AHI1: variants seen among roughly 807,000 people sequenced by gnomAD.
The protein encoded by AHI1 is Abelson helper integration site 1.
In AHI1, 123 loss-of-function variants were observed where a neutral mutation model predicts 149.3. The observed-to-expected ratio is 0.82, with a 90% CI of 0.71 to 0.96. The LOEUF (loss-of-function observed/expected upper bound fraction) is 0.96, where lower values mean the gene tolerates loss of function less well. Ranked by LOEUF, AHI1 falls within the 40% of genes least tolerant of loss-of-function variation. AHI1 has a pLI of 0.00. For missense variants in AHI1, 1,439 were observed against 1,422.7 expected, an observed-to-expected ratio of 1.01 and a Z score of -0.18; for synonymous variants, 475 against 459.8, an observed-to-expected ratio of 1.03 and a Z score of -0.42.
chr6:135,425,077 C>G (rs1783743963), intron 20 of AHI1, among the ~76,000 whole-genome samples: 1 of 151,872 alleles, frequency 6.6e-6, no homozygotes. Context: ...TTAACTTCTT[C>G]CTAAGCTTCC....
At chr6:135,363,194 G>C (rs983352810) in intron 23 of AHI1, among the ~76,000 whole-genome samples, 14 of 150,176 alleles carry the variant, frequency 9.3e-5, no homozygotes, top group African/African-American at 3.4e-4. Flanking sequence ...AGGACCCTGC[G>C]GCCTTCCGCA....
chr6:135,296,398 GTT>G (rs1783097764), intron 27 of AHI1, among the ~76,000 whole-genome samples: 1 of 152,178 alleles, frequency 6.6e-6, no homozygotes, highest in Admixed American at 6.5e-5. Context: ...CACTTCCTGT[GTT>G]TAATGGCTTC....
intron 5 of AHI1, among the ~76,000 whole-genome samples, chr6:135,480,014 C>T (rs1407427218): frequency 1.3e-5 from 2 of 152,154 alleles, no homozygotes; most frequent in Non-Finnish European, 2.9e-5. Flanking sequence ...CTGGAAGCCT[C>T]CCCAGCCATG....
chr6:135,402,216 T>G (rs2128494320), intron 22 of AHI1, among the ~76,000 whole-genome samples: 1 of 152,288 alleles, frequency 6.6e-6, no homozygotes, highest in South Asian at 2.1e-4. Context: ...CGTACACTGC[T>G]GGTGGAATTC....
intron 23 of AHI1, among the ~76,000 whole-genome samples, chr6:135,368,412 C>T (rs1250313494): frequency 2.0e-5 from 3 of 152,050 alleles, no homozygotes; most frequent in Non-Finnish European, 4.4e-5. Flanking sequence ...GATAAGTATT[C>T]AGGTTTCTTA....
Position 135,455,730 on chromosome 6 carries a change from A to G in AHI1, c.1344+4T>C, listed in dbSNP as rs756186293. ...TAATTTGAATTGGTCCATTCAATTC[A>G]TACCTCAAAGAACAGGATGACTTTA... is the stretch of plus-strand genomic sequence containing the variant. On this transcript the variant is annotated splice_donor_region_variant and intron_variant, in intron 10 of 28. Transcript: ENST00000265602. 9 of 1,571,138 alleles carry G rather than the reference A, an allele frequency of 5.7e-6. No homozygotes were observed. The South Asian group carries it at 1.1e-4, about 19-fold the overall frequency.
intron 20 of AHI1, among the ~76,000 whole-genome samples, chr6:135,412,277 G>T (rs997318958): frequency 2.6e-5 from 4 of 152,184 alleles, no homozygotes; most frequent in Non-Finnish European, 5.9e-5. Context: ...CCAAGTATGA[G>T]AGAAGATGTC....
intron 15 of AHI1, among the ~76,000 whole-genome samples, chr6:135,435,451 A>G (rs1785256200): frequency 6.6e-6 from 1 of 152,148 alleles, no homozygotes; most frequent in Non-Finnish European, 1.5e-5. Flanking sequence ...GTTATTCAGG[A>G]AGGGTAGGAG....
Position 135,463,278 on chromosome 6 carries a change from CA to C in AHI1, c.777del (p.Glu260LysfsTer23). ...TSTLTISGDT[V>X]EGEQKKESSV... ...GAAGATTCTTTCTTTTGTTCACCTT[CA>C]ACTGTGTCACCAGAGATGGTCAATG... is the stretch of plus-strand genomic sequence containing the variant. On this transcript the variant is annotated frameshift_variant, in exon 8 of 29. Transcript: ENST00000265602. LOFTEE classifies it high-confidence loss of function. The C allele has an allele frequency of 6.2e-7, 1 of 1,609,494 alleles. No individual in the cohort carries two copies. Among genetic ancestry groups the C allele is most frequent in the Non-Finnish European group, 8.5e-7 (1 of 1,179,104 alleles).
chr6:135,422,989 C>T (rs2614280), intron 20 of AHI1, among the ~76,000 whole-genome samples: 134,593 of 152,122 alleles, frequency 0.88, 60,153 homozygotes, highest in East Asian at 0.97. Context: ...GCTTAATGCA[C>T]TGAGAACATG....
intron 14 of AHI1, among the ~76,000 whole-genome samples, chr6:135,441,368 G>A (rs1562778027): frequency 8.4e-6 from 1 of 119,422 alleles, no homozygotes; most frequent in East Asian, 2.8e-4. Flanking sequence ...CAGGCATAAC[G>A]GGACTCCCAG....
At chr6:135,296,740 T>C (rs909339937) in intron 27 of AHI1, among the ~76,000 whole-genome samples, 12 of 152,212 alleles carry the variant, frequency 7.9e-5, no homozygotes, top group African/African-American at 2.9e-4. Context: ...TCTGGTATAA[T>C]TAGACATTTT....
Position 135,389,007 on chromosome 6 carries a change from C to T in AHI1, c.3109+5769G>A, listed in dbSNP as rs372515119. Among the ~76,000 whole-genome samples the T allele has an allele frequency of 2.6e-4, 38 of 146,176 alleles. 1 individual carries two copies. In the East Asian group the frequency reaches 6.3e-3, roughly 24 times the overall value. ...AGCCTGGGTGACAAGAGTGAGGTTC[C>T]GTGTTAAAAAACAAAAAATACGGCC... On this transcript the variant is annotated intron_variant, in intron 23 of 28. Transcript: ENST00000265602.
rs1789375452 is a variant in AHI1 at position 135,336,277 on chromosome 6, C to T, written c.3166-12953G>A. On this transcript the variant is annotated intron_variant, in intron 24 of 28. Coordinates refer to ENST00000265602, the MANE Select transcript of AHI1 (RefSeq NM_001134831.2). ...TTACATTATAGCTGTCATAATGTCA[C>T]AGCACAATTAATTTTTAAATAAATT... 2.0e-5 allele frequency among the ~76,000 whole-genome samples: 3 copies of T among 151,952 alleles called. No homozygotes were observed. In the South Asian group the frequency reaches 6.2e-4, roughly 32 times the overall value.
At chr6:135,307,992 C>A (rs1484425607) in intron 26 of AHI1, among the ~76,000 whole-genome samples, 1 of 152,040 alleles carries the variant, frequency 6.6e-6, no homozygotes, top group East Asian at 1.9e-4. Context: ...GGTTGAGAAA[C>A]CCTGGAATAG....
At position 135,429,365 on chromosome 6, in the gene AHI1, C is replaced by T. The variant is rs1433270940; in HGVS notation, c.2492+517G>A. Among the ~76,000 whole-genome samples, 7 of 151,642 alleles carry T rather than the reference C, an allele frequency of 4.6e-5. No individual in the cohort carries two copies. In the East Asian group the frequency reaches 1.2e-3, roughly 25 times the overall value. Reference sequence around the variant, plus strand: ...CATCAAACAAAAGTGCACTAGAAGTCCATGTTGATTTTCCCAGAACACTGC... The same window carrying T: ...CATCAAACAAAAGTGCACTAGAAGTTCATGTTGATTTTCCCAGAACACTGC... On this transcript the variant is annotated intron_variant, in intron 18 of 28. Coordinates refer to ENST00000265602, the MANE Select transcript of AHI1 (RefSeq NM_001134831.2).
chr6:135,468,333 C>T (rs532599785), intron 5 of AHI1, among the ~76,000 whole-genome samples: 2 of 151,816 alleles, frequency 1.3e-5, no homozygotes, highest in East Asian at 1.9e-4. Flanking sequence ...ACACACAAAA[C>T]CCAAAGCTAG....
At chr6:135,372,685 C>T (rs186798747) in intron 23 of AHI1, among the ~76,000 whole-genome samples, 33 of 152,108 alleles carry the variant, frequency 2.2e-4, no homozygotes, top group Non-Finnish European at 2.9e-5. Context: ...GTCAAATACA[C>T]ACAAAAGTTT....
At chr6:135,394,187 C>A (rs1778898306) in intron 23 of AHI1, among the ~76,000 whole-genome samples, 1 of 151,958 alleles carries the variant, frequency 6.6e-6, no homozygotes, top group Admixed American at 6.6e-5. Flanking sequence ...CAGAAAAAGT[C>A]ATCTTTCAAT....
Sources: gnomAD v4.1 joint callset for allele counts (sites outside exome capture counted in the v4.1 genomes callset) on GRCh38, gnomAD v4.1.1 for gene constraint, MANE v1.5 for transcripts, NCBI Gene and HGNC (gene_info 2026-07-23, HGNC 2026-07-21) for gene names.